Variants in DEPTOR observed in about 807,000 individuals in gnomAD.
DEPTOR encodes the protein DEP domain containing MTOR interacting protein.
Under a neutral mutation model 41.6 loss-of-function variants are expected in DEPTOR, and 41 were observed. That is an observed-to-expected ratio of 0.98 (90% CI 0.77 to 1.28). The LOEUF (loss-of-function observed/expected upper bound fraction) is 1.28. DEPTOR is among the 50% of genes most tolerant of loss of function. DEPTOR has a pLI of 0.00. For missense variants in DEPTOR, 514 were observed against 527.9 expected (o/e 0.97, Z 0.26); for synonymous variants, 195 against 192.3 (o/e 1.01, Z -0.12).
chr8:120,037,162 T>G (rs1812990456), intron 8 of DEPTOR, among the ~76,000 whole-genome samples: 1 of 152,162 alleles, frequency 6.6e-6, no homozygotes, highest in African/African-American at 2.4e-5. Flanking sequence ...GGATTGTGCA[T>G]GGGGAAGGAT....
At chr8:120,035,288 C>T (rs901900394) in intron 8 of DEPTOR, among the ~76,000 whole-genome samples, 2 of 151,714 alleles carry the variant, frequency 1.3e-5, no homozygotes, top group African/African-American at 4.8e-5. Flanking sequence ...CCACTACACT[C>T]CAGCCTGTGA....
At chr8:119,977,131 G>A (rs1645053777) in intron 4 of DEPTOR, among the ~76,000 whole-genome samples, 1 of 152,146 alleles carries the variant, frequency 6.6e-6, no homozygotes, top group African/African-American at 2.4e-5. Flanking sequence ...TTCCCAAGTA[G>A]CTAGAATTAC....
chr8:119,879,110 C>CAA (rs34236042), intron 1 of DEPTOR, among the ~76,000 whole-genome samples: 35 of 147,368 alleles, frequency 2.4e-4, no homozygotes, highest in South Asian at 8.6e-4. Flanking sequence ...AACTCGGTCT[C>CAA]AAAAAAAAAA....
At chr8:119,921,734 G>C (rs573797473) in intron 1 of DEPTOR, among the ~76,000 whole-genome samples, 1 of 150,272 alleles carries the variant, frequency 6.7e-6, no homozygotes, top group Admixed American at 6.6e-5. Flanking sequence ...GTAACTGAAA[G>C]GTTCTATTCT....
At chr8:119,900,717 A>G (rs1827579580) in intron 1 of DEPTOR, among the ~76,000 whole-genome samples, 1 of 152,104 alleles carries the variant, frequency 6.6e-6, no homozygotes, top group South Asian at 2.1e-4. Context: ...TTCTAAAAGC[A>G]CAAAGACAGA....
chr8:119,913,164 G>A (rs761019701), intron 1 of DEPTOR, among the ~76,000 whole-genome samples: 1 of 152,032 alleles, frequency 6.6e-6, no homozygotes, highest in South Asian at 2.1e-4. Context: ...CAAGTGATCC[G>A]CCTGCCTCGG....
intron 1 of DEPTOR, among the ~76,000 whole-genome samples, chr8:119,900,056 C>T (rs1240654908): frequency 3.9e-5 from 6 of 152,026 alleles, no homozygotes; most frequent in African/African-American, 1.4e-4. Flanking sequence ...CGCAGTGGCT[C>T]ACGCTTGTAA....
chr8:119,938,944 G>GCTCT (rs139892847), intron 3 of DEPTOR, among the ~76,000 whole-genome samples: 24,848 of 125,648 alleles, frequency 0.2, 2,318 homozygotes, highest in South Asian at 0.29. Flanking sequence ...GTTCCTTCTT[G>GCTCT]CTCTCTCTCT....
intron 3 of DEPTOR, among the ~76,000 whole-genome samples, chr8:119,959,496 A>G (rs1024355762): frequency 6.6e-6 from 1 of 151,202 alleles, no homozygotes; most frequent in African/African-American, 2.4e-5. Flanking sequence ...ATTAAAGTGC[A>G]GAAGAGGTTT....
At chr8:119,887,296 A>G (rs1827380311) in intron 1 of DEPTOR, among the ~76,000 whole-genome samples, 1 of 140,010 alleles carries the variant, frequency 7.1e-6, no homozygotes, top group Non-Finnish European at 1.6e-5. Flanking sequence ...GCTTCAGCCT[A>G]CTAAGTAGCT....
At chr8:119,925,415 A>T (rs973682753) in intron 1 of DEPTOR, among the ~76,000 whole-genome samples, 2 of 151,942 alleles carry the variant, frequency 1.3e-5, no homozygotes, top group African/African-American at 4.8e-5. Flanking sequence ...AAAATAATAA[A>T]AACAACAACA....
chr8:119,963,695 G>C (rs531575381), intron 3 of DEPTOR, among the ~76,000 whole-genome samples: 1 of 152,184 alleles, frequency 6.6e-6, no homozygotes, highest in African/African-American at 2.4e-5. Context: ...ACTGACATTT[G>C]TGTTACATTG....
intron 1 of DEPTOR, among the ~76,000 whole-genome samples, chr8:119,895,385 G>GTTCCTTA (rs751902546): frequency 5.3e-5 from 8 of 152,178 alleles, no homozygotes; most frequent in Non-Finnish European, 1.2e-4. Flanking sequence ...CAGCTTAACT[G>GTTCCTTA]GGCACGCATA....
intron 1 of DEPTOR, among the ~76,000 whole-genome samples, chr8:119,927,909 A>G (rs1157955805): frequency 6.6e-6 from 1 of 152,046 alleles, no homozygotes; most frequent in Non-Finnish European, 1.5e-5. Flanking sequence ...ACCCTGATGT[A>G]TGTCTGTAGT....
At position 119,929,926 on chromosome 8, in the gene DEPTOR, G is replaced by A. The variant is rs758875987; in HGVS notation, c.413G>A (p.Arg138Lys). Residue 138 changes from arginine (R) to lysine (K), a missense_variant, in exon 3 of 9, where the codon AGG becomes AAG. Physicochemically the swap from Arg to Lys is conservative, Grantham distance 26. Coordinates refer to ENST00000286234, the MANE Select transcript of DEPTOR (RefSeq NM_022783.4). ...NEVKAFMRGQ[R>K]LYEKLMSPEN... ...GTGAAGGCCTTTATGAGAGGACAGA[G>A]GCTATATGAAAAGTATGTTCCGCAT... 1 of 1,612,136 alleles carries A rather than the reference G, an allele frequency of 6.2e-7. No homozygotes were observed. The highest frequency in any genetic ancestry group is 8.5e-7 in the Non-Finnish European group (1 of 1,178,688).
intron 3 of DEPTOR, among the ~76,000 whole-genome samples, chr8:119,957,997 A>C (rs1364462101): frequency 6.6e-6 from 1 of 152,062 alleles, no homozygotes; most frequent in Non-Finnish European, 1.5e-5. Flanking sequence ...TGACTTTCCG[A>C]GCTATGTAAC....
Position 119,894,019 on chromosome 8 carries a change from CT to C in DEPTOR, c.122+20054del, listed in dbSNP as rs535342856. On this transcript the variant is annotated intron_variant, in intron 1 of 8. Transcript: ENST00000286234. ...ATACTTTTGGGGAAATCATTGCAAT[CT>C]TTATTAACAGCTTGTGTGAAAGGAA... is the stretch of plus-strand genomic sequence containing the variant. 9.2e-5 allele frequency among the ~76,000 whole-genome samples: 14 copies of C among 152,266 alleles called. No homozygotes were observed. The South Asian group carries it at 2.9e-3, about 32-fold the overall frequency.
At chr8:119,996,468 G>T (rs1237737182) in intron 4 of DEPTOR, among the ~76,000 whole-genome samples, 3 of 152,124 alleles carry the variant, frequency 2.0e-5, no homozygotes, top group Non-Finnish European at 2.9e-5. Flanking sequence ...CTGTTCTATT[G>T]GGGAGAGAAT....
intron 4 of DEPTOR, among the ~76,000 whole-genome samples, chr8:119,970,069 TTG>T (rs1828613447): frequency 6.6e-6 from 1 of 152,166 alleles, no homozygotes; most frequent in Non-Finnish European, 1.5e-5. Flanking sequence ...AAGGCAGAAA[TTG>T]TTAGATGAAT....
Sources: allele counts gnomAD v4.1 joint callset (sites outside exome capture counted in the v4.1 genomes callset), GRCh38; gene constraint gnomAD v4.1.1; transcripts MANE v1.5; gene names NCBI Gene and HGNC (gene_info 2026-07-23, HGNC 2026-07-21).